Variants in MIPOL1 observed in about 807,000 individuals in gnomAD.
The protein encoded by MIPOL1 is mirror-image polydactyly gene 1 protein.
MIPOL1 carries 57 observed loss-of-function variants against 60.9 expected under a neutral mutation model. The ratio of observed to expected loss-of-function variants is 0.94; its 90% CI spans 0.76 to 1.17. MIPOL1 has a LOEUF of 1.17. Ranked by LOEUF, MIPOL1 falls within the 50% of genes most tolerant of loss-of-function variation. The probability of loss-of-function intolerance (pLI) is 0.00; values close to 1 mark genes in which losing one functional copy is unlikely to be tolerated. For synonymous variants in MIPOL1, 179 were observed against 168.8 expected (o/e 1.06, Z -0.47); for missense variants, 551 against 511.6 (o/e 1.08, Z -0.74).
At chr14:37,361,981 C>G (rs1260578953) in intron 9 of MIPOL1, among the ~76,000 whole-genome samples, 8 of 152,062 alleles carry the variant, frequency 5.3e-5, no homozygotes, top group Non-Finnish European at 1.0e-4. Context: ...CTTCCTCCTT[C>G]CCTTTGTTTT....
intron 11 of MIPOL1, among the ~76,000 whole-genome samples, chr14:37,430,414 A>G (rs2094040095): frequency 6.6e-6 from 1 of 152,080 alleles, no homozygotes; most frequent in South Asian, 2.1e-4. Context: ...TTAAATTTAA[A>G]AATTTACAGC....
At chr14:37,448,628 A>G (rs1428156670) in intron 11 of MIPOL1, among the ~76,000 whole-genome samples, 2 of 152,202 alleles carry the variant, frequency 1.3e-5, no homozygotes, top group Non-Finnish European at 2.9e-5. Context: ...CATAGCATAA[A>G]GTCTGAAAAA....
intron 1 of MIPOL1, among the ~76,000 whole-genome samples, chr14:37,218,646 A>G (rs1330924054): frequency 1.3e-5 from 2 of 152,260 alleles, no homozygotes; most frequent in East Asian, 3.9e-4. Flanking sequence ...ATGTTTAAGA[A>G]AAACAGAGGC....
chr14:37,201,274 G>C (rs1965298234), intron 1 of MIPOL1, among the ~76,000 whole-genome samples: 1 of 151,960 alleles, frequency 6.6e-6, no homozygotes, highest in Non-Finnish European at 1.5e-5. Flanking sequence ...TACTTTATTT[G>C]GTTTACCAGT....
Position 37,521,908 on chromosome 14 carries a change from A to T in MIPOL1, c.1262+21770A>T, listed in dbSNP as rs1165661516. 2.0e-3 allele frequency among the ~76,000 whole-genome samples: 41 copies of T among 20,674 alleles called. 1 individual carries two copies. The highest frequency in any genetic ancestry group is 5.9e-3 in the South Asian group (5 of 854). The allele number at this position is 20,674 out of a possible 152,430, so 13.6% of individuals were successfully genotyped here. A position where few individuals can be genotyped will look rare whatever the true frequency, so the allele number is the denominator to read the frequency against. On this transcript the variant is annotated intron_variant, in intron 12 of 12. Transcript: ENST00000684589. ...AAGAAAAAAAAATATATATATATAT[A>T]TATTTTTTTTTTCTTTGGCTTCAAA...
chr14:37,325,043 G>A (rs922558807), intron 9 of MIPOL1, among the ~76,000 whole-genome samples: 2 of 152,094 alleles, frequency 1.3e-5, no homozygotes, highest in African/African-American at 4.8e-5. Context: ...TAATCGTTAA[G>A]AGTCAGATTT....
chr14:37,434,583 A>G (rs1439289145), intron 11 of MIPOL1: 2 of 151,958 alleles, frequency 1.3e-5, no homozygotes, highest in East Asian at 3.9e-4. Flanking sequence ...CTAATTTAAA[A>G]AAAAAATAGA....
At chr14:37,340,638 G>A (rs555170990) in intron 9 of MIPOL1, among the ~76,000 whole-genome samples, 12 of 151,330 alleles carry the variant, frequency 7.9e-5, no homozygotes, top group Non-Finnish European at 1.5e-4. Flanking sequence ...GATTGAGGCT[G>A]CAGTGAGCTA....
intron 7 of MIPOL1, among the ~76,000 whole-genome samples, chr14:37,300,730 C>T (rs112478389): frequency 0.034 from 540 of 15,860 alleles, 241 homozygotes; most frequent in Admixed American, 0.041. Flanking sequence ...AGGCTAGTCT[C>T]AAGCTCCTGG....
At chr14:37,390,641 C>A (rs1358636331) in intron 10 of MIPOL1, among the ~76,000 whole-genome samples, 1 of 151,676 alleles carries the variant, frequency 6.6e-6, no homozygotes, top group East Asian at 1.9e-4. Flanking sequence ...AAATTCTAAT[C>A]GTAATGAGCA....
At chr14:37,472,513 C>G (rs2094703142) in intron 11 of MIPOL1, among the ~76,000 whole-genome samples, 2 of 152,110 alleles carry the variant, frequency 1.3e-5, no homozygotes. Flanking sequence ...TGGCACTATT[C>G]TTTTCTGACT....
At chr14:37,353,525 C>A (rs570990428) in intron 9 of MIPOL1, among the ~76,000 whole-genome samples, 1 of 152,038 alleles carries the variant, frequency 6.6e-6, no homozygotes, top group Non-Finnish European at 1.5e-5. Flanking sequence ...GGCTGTGAAT[C>A]CATCTGGTCC....
intron 10 of MIPOL1, among the ~76,000 whole-genome samples, chr14:37,407,710 T>C (rs989986722): frequency 6.6e-6 from 1 of 152,072 alleles, no homozygotes; most frequent in Admixed American, 6.6e-5. Flanking sequence ...GTCACACAGG[T>C]AATACTGAGC....
At chr14:37,521,874 C>CT (rs2095414912) in intron 12 of MIPOL1, among the ~76,000 whole-genome samples, 1 of 134,016 alleles carries the variant, frequency 7.5e-6, no homozygotes, top group Non-Finnish European at 1.5e-5. Context: ...CAGACCAAGA[C>CT]TTTATCTAAA....
chr14:37,392,443 G>C (rs1366104108), intron 10 of MIPOL1, among the ~76,000 whole-genome samples: 1 of 152,032 alleles, frequency 6.6e-6, no homozygotes, highest in East Asian at 1.9e-4. Context: ...GATTCCTTGG[G>C]ATTTTCAATG....
intron 1 of MIPOL1, among the ~76,000 whole-genome samples, chr14:37,230,788 C>T (rs1970497612): frequency 1.3e-5 from 2 of 152,022 alleles, no homozygotes; most frequent in African/African-American, 4.8e-5. Context: ...CAGTAGGTGG[C>T]GCTGTATACT....
chr14:37,429,744 C>T (rs2094027365), intron 11 of MIPOL1, among the ~76,000 whole-genome samples: 1 of 151,764 alleles, frequency 6.6e-6, no homozygotes, highest in African/African-American at 2.4e-5. Flanking sequence ...CAGTATAGGT[C>T]CTTTTCTCTT....
At chr14:37,484,401 A>G (rs2094917009) in intron 11 of MIPOL1, among the ~76,000 whole-genome samples, 1 of 130,200 alleles carries the variant, frequency 7.7e-6, no homozygotes, top group Non-Finnish European at 1.5e-5. Context: ...GCAGTGGTGT[A>G]ATCTTGGCTT....
intron 9 of MIPOL1, among the ~76,000 whole-genome samples, chr14:37,353,037 T>C (rs1458571907): frequency 7.7e-6 from 1 of 129,188 alleles, no homozygotes; most frequent in East Asian, 2.5e-4. Context: ...ATATTGGCTG[T>C]GGGTTTGTCA....
Sources: gnomAD v4.1 joint callset for allele counts (sites outside exome capture counted in the v4.1 genomes callset) on GRCh38, gnomAD v4.1.1 for gene constraint, MANE v1.5 for transcripts, NCBI Gene and HGNC (gene_info 2026-07-23, HGNC 2026-07-21) for gene names.